BICC1: variants seen among roughly 807,000 people sequenced by gnomAD.
BICC1 encodes the protein BicC family RNA binding protein 1, also known as protein bicaudal C homolog 1.
A neutral mutation model predicts 111.0 loss-of-function variants in BICC1; 43 were observed. The observed-to-expected ratio is 0.39, with a 90% CI of 0.30 to 0.50. The LOEUF (loss-of-function observed/expected upper bound fraction) is 0.50. BICC1 is among the 20% of genes least tolerant of loss of function. BICC1 has a pLI of 0.88. For synonymous variants in BICC1, 467 were observed against 434.4 expected (o/e 1.07, Z -0.93); for missense variants, 1,091 against 1,203.2 (o/e 0.91, Z 1.38).
chr10:58,585,549 C>T (rs1161146299), intron 1 of BICC1, among the ~76,000 whole-genome samples: 4 of 151,742 alleles, frequency 2.6e-5, no homozygotes, highest in Admixed American at 6.6e-5. Context: ...TTTCTTTTTC[C>T]GTGATTGCAG....
chr10:58,563,302 A>C (rs1200987064), intron 1 of BICC1, among the ~76,000 whole-genome samples: 1 of 152,120 alleles, frequency 6.6e-6, no homozygotes, highest in Non-Finnish European at 1.5e-5. Context: ...TCTGGGGAGC[A>C]GTGCAGCCAT....
chr10:58,514,123 T>G (rs1173054142), intron 1 of BICC1, among the ~76,000 whole-genome samples: 3 of 152,206 alleles, frequency 2.0e-5, no homozygotes, highest in Admixed American at 6.5e-5. Flanking sequence ...GAAAACAGAT[T>G]CTGATTTATA....
At chr10:58,770,827 G>A (rs1163169799) in intron 3 of BICC1, among the ~76,000 whole-genome samples, 2 of 152,186 alleles carry the variant, frequency 1.3e-5, no homozygotes, top group African/African-American at 4.8e-5. Flanking sequence ...AGGCAGATTT[G>A]ACAGAGGGAT....
intron 1 of BICC1, among the ~76,000 whole-genome samples, chr10:58,594,198 C>G (rs371846392): frequency 3.6e-4 from 54 of 151,994 alleles, no homozygotes; most frequent in African/African-American, 1.2e-3. Context: ...AAGGAATGAA[C>G]AAATCCTCCA....
chr10:58,646,636 C>T (rs1423569350), intron 2 of BICC1, among the ~76,000 whole-genome samples: 1 of 152,118 alleles, frequency 6.6e-6, no homozygotes, highest in Admixed American at 6.6e-5. Context: ...CATGATATCT[C>T]TGTGCCTCCT....
chr10:58,524,653 A>G (rs1325802080), intron 1 of BICC1, among the ~76,000 whole-genome samples: 5 of 152,022 alleles, frequency 3.3e-5, no homozygotes, highest in African/African-American at 1.2e-4. Context: ...ATGCATGGGC[A>G]AGGACTTCAT....
chr10:58,553,853 T>C (rs936916697), intron 1 of BICC1, among the ~76,000 whole-genome samples: 2 of 151,680 alleles, frequency 1.3e-5, no homozygotes, highest in Non-Finnish European at 2.9e-5. Flanking sequence ...AGTACAAAAA[T>C]GTAAAAAAAA....
At chr10:58,714,752 T>C (rs1405023019) in intron 3 of BICC1, among the ~76,000 whole-genome samples, 2 of 152,050 alleles carry the variant, frequency 1.3e-5, no homozygotes, top group African/African-American at 4.8e-5. Context: ...AGTCATGGCA[T>C]GGCTGGACAG....
intron 1 of BICC1, among the ~76,000 whole-genome samples, chr10:58,523,841 A>G (rs1428219742): frequency 1.3e-5 from 2 of 152,190 alleles, no homozygotes; most frequent in Non-Finnish European, 2.9e-5. Flanking sequence ...AAGCTGATAG[A>G]CAACTTCAGC....
intron 2 of BICC1, among the ~76,000 whole-genome samples, chr10:58,622,498 G>A (rs979578505): frequency 6.6e-6 from 1 of 152,192 alleles, no homozygotes; most frequent in Non-Finnish European, 1.5e-5. Context: ...GAACATGTGT[G>A]CGTCCCACAG....
chr10:58,757,695 C>G (rs954971262), intron 3 of BICC1, among the ~76,000 whole-genome samples: 39 of 152,262 alleles, frequency 2.6e-4, no homozygotes, highest in African/African-American at 9.4e-4. Flanking sequence ...CAGCCACTCT[C>G]AAGATATTCA....
chr10:58,633,977 C>CTTTTTTTTTTCTTTTTTTTT (rs1837873528), intron 2 of BICC1, among the ~76,000 whole-genome samples: 4 of 138,158 alleles, frequency 2.9e-5, no homozygotes, highest in South Asian at 4.4e-4. Flanking sequence ...TTTTCTTTTT[C>CTTTTTTTTTTCTTTTTTTTT]TTTTTTTTTT....
intron 3 of BICC1, among the ~76,000 whole-genome samples, chr10:58,740,750 G>T (rs565567130): frequency 6.6e-6 from 1 of 152,164 alleles, no homozygotes; most frequent in African/African-American, 2.4e-5. Flanking sequence ...CATTCTGGAA[G>T]ACCTCCTAGA....
chr10:58,801,015 C>T lies in BICC1; in HGVS notation c.1984C>T (p.Leu662=). The T allele has an allele frequency of 6.2e-7, 1 of 1,610,288 alleles. No homozygotes were observed. The highest frequency in any genetic ancestry group is 8.5e-7 in the Non-Finnish European group (1 of 1,178,490). The change falls in exon 14 of 21, where the codon CTA becomes TTA. Residue 662 remains leucine (L), a synonymous_variant. Coordinates refer to ENST00000373886, the MANE Select transcript of BICC1 (RefSeq NM_001080512.3). ...VSCAKRQTVE[L]LQGTKNSHLH... is the part of the protein sequence containing the mutation. ...CTGTGCCAAAAGGCAGACAGTGGAA[C>T]TATTGCAAGGCACGAAAAACTCACA...
chr10:58,707,615 C>T (rs570872043), intron 3 of BICC1, among the ~76,000 whole-genome samples: 46 of 152,168 alleles, frequency 3.0e-4, no homozygotes, highest in African/African-American at 6.5e-4. Flanking sequence ...CTGTGACCTC[C>T]GCCTCCCGGG....
Position 58,712,509 on chromosome 10 carries a change from TTA to T in BICC1, c.307+10368_307+10369del, listed in dbSNP as rs201896575. The stretch of plus-strand genomic sequence containing the variant: ...TGTGGTACGTTGACACAATGAAATA[TTA>T]TTCAGTGCTAAAAAGATATGAGCTA... On this transcript the variant is annotated intron_variant, in intron 3 of 20. Transcript: ENST00000373886. 4.1e-3 allele frequency among the ~76,000 whole-genome samples: 617 copies of T among 152,280 alleles called. 12 individuals carry two copies. Among genetic ancestry groups the T allele is most frequent in the African/African-American group, 0.014 (586 of 41,544 alleles).
At chr10:58,733,616 A>G (rs919940275) in intron 3 of BICC1, among the ~76,000 whole-genome samples, 11 of 152,268 alleles carry the variant, frequency 7.2e-5, no homozygotes, top group Middle Eastern at 3.4e-3. Context: ...GCCTGTTTCT[A>G]TGGTTTGCTG....
intron 2 of BICC1, among the ~76,000 whole-genome samples, chr10:58,673,228 C>A (rs1217776917): frequency 6.6e-6 from 1 of 152,116 alleles, no homozygotes; most frequent in African/African-American, 2.4e-5. Context: ...TTTAAAATTA[C>A]TTTTGCAGAA....
chr10:58,649,601 G>A (rs1320525035), intron 2 of BICC1, among the ~76,000 whole-genome samples: 1 of 152,200 alleles, frequency 6.6e-6, no homozygotes, highest in East Asian at 1.9e-4. Flanking sequence ...GCTGTCAGCA[G>A]CCAGTTAATA....
Sources: allele counts gnomAD v4.1 joint callset (sites outside exome capture counted in the v4.1 genomes callset), GRCh38; gene constraint gnomAD v4.1.1; transcripts MANE v1.5; gene names NCBI Gene and HGNC (gene_info 2026-07-23, HGNC 2026-07-21).